MYO5C: variants seen among roughly 807,000 people sequenced by gnomAD.
MYO5C encodes myosin VC.
Under a neutral mutation model 235.7 loss-of-function variants are expected in MYO5C, and 194 were observed. The observed-to-expected ratio is 0.82, with a 90% CI of 0.73 to 0.93. The LOEUF (loss-of-function observed/expected upper bound fraction) is 0.93. Ranked by LOEUF, MYO5C falls within the 40% of genes least tolerant of loss-of-function variation. MYO5C has a pLI of 0.00. For missense variants in MYO5C, 2,038 were observed against 2,127.2 expected (o/e 0.96, Z 0.82); for synonymous variants, 707 against 754.8 (o/e 0.94, Z 1.04).
At chr15:52,279,136 A>T in intron 3 of MYO5C, 119 bp from the exon 4 acceptor site, 1 of 1,079,646 alleles carries the variant, frequency 9.3e-7, no homozygotes, top group South Asian at 1.6e-5. Flanking sequence ...GACTTTGGGC[A>T]AGTCACTTCA....
At chr15:52,207,579 T>C (rs760165964) in intron 36 of MYO5C, among the ~76,000 whole-genome samples, 10 of 152,222 alleles carry the variant, frequency 6.6e-5, no homozygotes, top group Middle Eastern at 3.2e-3. Flanking sequence ...TTGTGAACTC[T>C]AAATATGAAC....
intron 39 of MYO5C, among the ~76,000 whole-genome samples, chr15:52,195,768 T>C (rs902566585): frequency 6.6e-6 from 1 of 151,980 alleles, no homozygotes; most frequent in Non-Finnish European, 1.5e-5. Context: ...GAATGCATCA[T>C]AGACATTTGT....
intron 21 of MYO5C, 151 bp downstream of exon 21, chr15:52,239,582 G>GT: frequency 1.4e-6 from 1 of 730,266 alleles, no homozygotes. Flanking sequence ...ACCCTTTACA[G>GT]TGTACTTCTG....
chr15:52,278,430 G>A (rs1407576868), intron 4 of MYO5C, among the ~76,000 whole-genome samples: 2 of 151,886 alleles, frequency 1.3e-5, no homozygotes, highest in Non-Finnish European at 2.9e-5. Flanking sequence ...ACTCCACAGG[G>A]CCCTACAAAC....
intron 8 of MYO5C, among the ~76,000 whole-genome samples, chr15:52,268,793 G>C (rs774421304): frequency 6.6e-6 from 1 of 152,226 alleles, no homozygotes; most frequent in Admixed American, 6.5e-5. Flanking sequence ...CTCCACCTGT[G>C]CCGGCATCTG....
At chr15:52,256,597 G>GC in intron 11 of MYO5C, 42 bp downstream of exon 11, 1 of 1,429,520 alleles carries the variant, frequency 7.0e-7, no homozygotes, top group Non-Finnish European at 9.5e-7. Context: ...ACGCGCGCGC[G>GC]CGCGGCTGAG....
chr15:52,295,262 G>T (rs1248932204), intron 1 of MYO5C, among the ~76,000 whole-genome samples: 14 of 152,228 alleles, frequency 9.2e-5, no homozygotes, highest in Non-Finnish European at 1.2e-4. Context: ...ACGCACGCGC[G>T]ACCCCTGGGC....
rs982773524 is a variant in MYO5C, at chr15:52,250,303, C to T, written c.1662+1087G>A. ...TGTCAGCCAGGCTGGAGTGCAGTGG[C>T]GTGATCTTGGCTCAATGCAACCTCC... On this transcript the variant is annotated intron_variant, in intron 13 of 40. Coordinates refer to ENST00000261839, the MANE Select transcript of MYO5C (RefSeq NM_018728.4). Among the ~76,000 whole-genome samples, 27 of 141,426 alleles carry T rather than the reference C, an allele frequency of 1.9e-4. 1 individual carries two copies. Among genetic ancestry groups the T allele is most frequent in the Non-Finnish European group, 2.9e-4 (19 of 66,560 alleles). 92.8% of individuals were successfully genotyped at this position (141,426 alleles called of 152,430 possible).
intron 1 of MYO5C, among the ~76,000 whole-genome samples, chr15:52,286,740 C>G (rs1303455498): frequency 6.6e-6 from 1 of 151,904 alleles, no homozygotes; most frequent in Non-Finnish European, 1.5e-5. Context: ...TGCTTGAAGG[C>G]AGCATGCTCG....
chr15:52,255,218 C>G (rs2036555514), intron 11 of MYO5C, among the ~76,000 whole-genome samples: 1 of 152,128 alleles, frequency 6.6e-6, no homozygotes, highest in African/African-American at 2.4e-5. Flanking sequence ...ACCCAAGGTC[C>G]CAGAGGGAGG....
intron 36 of MYO5C, among the ~76,000 whole-genome samples, chr15:52,206,973 A>G (rs2035331392): frequency 6.6e-6 from 1 of 152,150 alleles, no homozygotes; most frequent in African/African-American, 2.4e-5. Context: ...TCTCTATTAA[A>G]AATACAAAAA....
At chr15:52,264,785 G>C (rs1410798040) in intron 8 of MYO5C, among the ~76,000 whole-genome samples, 1 of 152,182 alleles carries the variant, frequency 6.6e-6, no homozygotes. Flanking sequence ...CTTTGGTTGG[G>C]TTTGATTCAT....
chr15:52,243,880 C>G (rs1161253895), intron 19 of MYO5C, among the ~76,000 whole-genome samples: 1 of 152,188 alleles, frequency 6.6e-6, no homozygotes, highest in East Asian at 1.9e-4. Context: ...GGTCTTCCTG[C>G]TTAGGGGTTC....
At chr15:52,289,485 CT>C (rs1176349581) in intron 1 of MYO5C, among the ~76,000 whole-genome samples, 1 of 152,212 alleles carries the variant, frequency 6.6e-6, no homozygotes, top group East Asian at 1.9e-4. Context: ...CTGGGCACCC[CT>C]CTGTGTCTCC....
chr15:52,236,188 C>A (rs1203936252), intron 22 of MYO5C, among the ~76,000 whole-genome samples: 2 of 152,220 alleles, frequency 1.3e-5, no homozygotes, highest in Non-Finnish European at 1.5e-5. Context: ...CAGCAGGATT[C>A]CTATCATTTC....
Position 52,279,004 on chromosome 15 carries a change from C to T in MYO5C, c.318G>A (p.Val106=). The T allele has an allele frequency of 6.2e-7, 1 of 1,612,650 alleles. No individual in the cohort carries two copies. Among genetic ancestry groups the T allele is most frequent in the South Asian group, 1.1e-5 (1 of 90,968 alleles). Residue 106 remains valine (V), a synonymous_variant, in exon 4 of 41, where the codon GTG becomes GTA. Transcript: ENST00000261839. ...LIYTYSGIIL[V]AMNPYKQLPI... is the part of the protein sequence containing the mutation. ...GCAACTGCTTGTAAGGATTCATGGC[C>T]ACCAAAATGATTCCTGGGGAAAGAT...
chr15:52,203,694 C>A (rs1338673222), intron 38 of MYO5C, among the ~76,000 whole-genome samples: 2 of 152,314 alleles, frequency 1.3e-5, no homozygotes, highest in Non-Finnish European at 1.5e-5. Flanking sequence ...ACTATAGTCA[C>A]CCTGTTGTGC....
At chr15:52,237,179 G>C in intron 22 of MYO5C, 1 of 244,948 alleles carries the variant, frequency 4.1e-6, no homozygotes, top group African/African-American at 2.3e-5. Flanking sequence ...GGAGACCAAG[G>C]TCATCCTGGA....
intron 38 of MYO5C, among the ~76,000 whole-genome samples, chr15:52,202,271 G>A (rs1020777887): frequency 6.6e-6 from 1 of 152,158 alleles, no homozygotes; most frequent in African/African-American, 2.4e-5. Context: ...CAGCTACTCA[G>A]GAGGCTGCGG....
Sources: gnomAD v4.1 joint callset for allele counts (sites outside exome capture counted in the v4.1 genomes callset) on GRCh38, gnomAD v4.1.1 for gene constraint, MANE v1.5 for transcripts, NCBI Gene and HGNC (gene_info 2026-07-23, HGNC 2026-07-21) for gene names.